The following TMEM132B variants were observed in gnomAD, a reference collection of about 807,000 sequenced individuals.
TMEM132B encodes transmembrane protein 132B.
TMEM132B carries 18 observed loss-of-function variants against 90.8 expected under a neutral mutation model. The observed-to-expected ratio is 0.20, with a 90% CI of 0.14 to 0.29. The LOEUF is 0.29. TMEM132B is among the 10% of genes least tolerant of loss of function. The probability of loss-of-function intolerance (pLI) is 1.00; values close to 1 mark genes in which losing one functional copy is unlikely to be tolerated. For missense variants in TMEM132B, 1,096 were observed against 1,326.8 expected, an observed-to-expected ratio of 0.83 and a Z score of 2.70; for synonymous variants, 504 against 523.3, an observed-to-expected ratio of 0.96 and a Z score of 0.50.
chr12:125,531,053 C>T (rs1042386411), intron 4 of TMEM132B, among the ~76,000 whole-genome samples: 31 of 152,212 alleles, frequency 2.0e-4, no homozygotes, highest in Admixed American at 2.0e-3. Context: ...GCTGCTAAAT[C>T]TCCAGCCATT....
chr12:125,311,350 C>A (rs1876118574), intron 1 of TMEM132B, among the ~76,000 whole-genome samples: 1 of 152,204 alleles, frequency 6.6e-6, no homozygotes, highest in African/African-American at 2.4e-5. Context: ...ATTGGGATTT[C>A]AATTAATTTA....
intron 1 of TMEM132B, among the ~76,000 whole-genome samples, chr12:125,201,979 C>G (rs1873073892): frequency 6.6e-6 from 1 of 152,194 alleles, no homozygotes; most frequent in Non-Finnish European, 1.5e-5. Flanking sequence ...TGGTGTCACA[C>G]CCTCATTTTC....
At chr12:125,351,039 G>C (rs1877558631) in intron 2 of TMEM132B, among the ~76,000 whole-genome samples, 1 of 152,222 alleles carries the variant, frequency 6.6e-6, no homozygotes, top group Admixed American at 6.5e-5. Context: ...GTTGTCATGT[G>C]CTGAGAGTTC....
chr12:125,455,313 G>A (rs910649746), intron 3 of TMEM132B, among the ~76,000 whole-genome samples: 5 of 152,156 alleles, frequency 3.3e-5, no homozygotes, highest in Admixed American at 1.3e-4. Context: ...GGCTTAGTTC[G>A]AGGCAAGAAC....
intron 5 of TMEM132B, among the ~76,000 whole-genome samples, chr12:125,606,071 A>G (rs1885689046): frequency 1.3e-5 from 2 of 152,220 alleles, no homozygotes; most frequent in African/African-American, 4.8e-5. Flanking sequence ...TGTATGTCGT[A>G]TATTTTGCTG....
At chr12:125,338,982 C>T (rs1877074610) in intron 1 of TMEM132B, among the ~76,000 whole-genome samples, 1 of 152,118 alleles carries the variant, frequency 6.6e-6, no homozygotes, top group African/African-American at 2.4e-5. Flanking sequence ...TTCTAGAAAA[C>T]TTGAAAATAC....
At chr12:125,189,360 G>A (rs1035696233) in intron 1 of TMEM132B, among the ~76,000 whole-genome samples, 2 of 152,286 alleles carry the variant, frequency 1.3e-5, no homozygotes, top group Admixed American at 1.3e-4. Context: ...TATGCACGGG[G>A]GTCTAGGGTC....
At chr12:125,595,096 G>A (rs1254238427) in intron 5 of TMEM132B, among the ~76,000 whole-genome samples, 1 of 152,116 alleles carries the variant, frequency 6.6e-6, no homozygotes, top group African/African-American at 2.4e-5. Flanking sequence ...CATGTATTGA[G>A]CAAGTGCTAT....
intron 1 of TMEM132B, among the ~76,000 whole-genome samples, chr12:125,200,606 C>G (rs1376772685): frequency 3.3e-5 from 5 of 152,150 alleles, no homozygotes; most frequent in Admixed American, 6.6e-5. Flanking sequence ...ATCCCACCCA[C>G]CAGGAATACT....
intron 5 of TMEM132B, among the ~76,000 whole-genome samples, chr12:125,608,856 GA>G (rs111267050): frequency 6.6e-6 from 1 of 151,108 alleles, no homozygotes; most frequent in African/African-American, 2.4e-5. Flanking sequence ...TGGCACCTTT[GA>G]AAAAAAAATC....
At chr12:125,244,884 G>T (rs1874172585) in intron 1 of TMEM132B, among the ~76,000 whole-genome samples, 1 of 152,180 alleles carries the variant, frequency 6.6e-6, no homozygotes, top group East Asian at 1.9e-4. Flanking sequence ...CTGGCCAGGG[G>T]CCTTTAGGTC....
intron 1 of TMEM132B, among the ~76,000 whole-genome samples, chr12:125,311,730 G>A (rs1233823042): frequency 6.6e-6 from 1 of 152,172 alleles, no homozygotes; most frequent in Non-Finnish European, 1.5e-5. Flanking sequence ...AACCAAACAG[G>A]GCAGACAGCG....
chr12:125,229,989 C>A (rs1873779970), intron 1 of TMEM132B, among the ~76,000 whole-genome samples: 1 of 152,216 alleles, frequency 6.6e-6, no homozygotes, highest in African/African-American at 2.4e-5. Flanking sequence ...GCAGGAGCAG[C>A]CTTAGGTCAC....
At chr12:125,576,959 T>TG (rs1277999641) in intron 4 of TMEM132B, among the ~76,000 whole-genome samples, 2 of 151,076 alleles carry the variant, frequency 1.3e-5, no homozygotes, top group African/African-American at 4.9e-5. Context: ...TTTCCTGTGA[T>TG]GCCTTTCTTT....
chr12:125,335,452 C>T (rs1413638330), intron 1 of TMEM132B, among the ~76,000 whole-genome samples: 2 of 152,200 alleles, frequency 1.3e-5, no homozygotes, highest in Admixed American at 1.3e-4. Flanking sequence ...TAAGAACAGG[C>T]ATCCCCCTGG....
chr12:125,334,125 AAAATT>A (rs1211166107), intron 1 of TMEM132B, among the ~76,000 whole-genome samples: 1 of 152,240 alleles, frequency 6.6e-6, no homozygotes, highest in Non-Finnish European at 1.5e-5. Flanking sequence ...CTGAAAAAGA[AAAATT>A]AAAATCTTAA....
At chr12:125,626,362 C>T (rs961357652) in intron 5 of TMEM132B, among the ~76,000 whole-genome samples, 13 of 152,158 alleles carry the variant, frequency 8.5e-5, no homozygotes, top group African/African-American at 2.9e-4. Context: ...GTGCAGATAT[C>T]TCTTCAATAT....
At chr12:125,280,690 C>T (rs934187971) in intron 1 of TMEM132B, among the ~76,000 whole-genome samples, 2 of 152,222 alleles carry the variant, frequency 1.3e-5, no homozygotes, top group African/African-American at 4.8e-5. Context: ...AGTCACATGA[C>T]CCCACCCAGG....
Position 125,566,134 on chromosome 12 carries a change from C to T in TMEM132B, c.1294-17717C>T, listed in dbSNP as rs75991804. Among the ~76,000 whole-genome samples the T allele has an allele frequency of 5.7e-3, 874 of 152,302 alleles. 2 individuals carry two copies. Among genetic ancestry groups the T allele is most frequent in the African/African-American group, 0.021 (855 of 41,562 alleles). ...CTGCACCATGAGAAAATGACCAAAA[C>T]CTTTAGTACCTGTGTTTCTTCACTA... On this transcript the variant is annotated intron_variant, in intron 4 of 8. Transcript: ENST00000682704.
Sources: gnomAD v4.1 joint callset for allele counts (sites outside exome capture counted in the v4.1 genomes callset) on GRCh38, gnomAD v4.1.1 for gene constraint, MANE v1.5 for transcripts, NCBI Gene and HGNC (gene_info 2026-07-23, HGNC 2026-07-21) for gene names.